The following CD226 variants were observed in gnomAD, a reference collection of about 807,000 sequenced individuals.
The protein encoded by CD226 is CD226 antigen.
Under a neutral mutation model 34.9 loss-of-function variants are expected in CD226, and 24 were observed. The ratio of observed to expected loss-of-function variants is 0.69; its 90% CI spans 0.50 to 0.97. The LOEUF (loss-of-function observed/expected upper bound fraction) is 0.97. Ranked by LOEUF, CD226 falls within the 50% of genes least tolerant of loss-of-function variation. The pLI, the probability that CD226 is intolerant of heterozygous loss-of-function variation, is 0.00. For synonymous variants in CD226, 148 were observed against 147.4 expected, an observed-to-expected ratio of 1.00 and a Z score of -0.03; for missense variants, 397 against 412.7, an observed-to-expected ratio of 0.96 and a Z score of 0.33.
intron 2 of CD226, among the ~76,000 whole-genome samples, chr18:69,928,702 C>T (rs1047901705): frequency 1.2e-4 from 19 of 152,146 alleles, no homozygotes; most frequent in African/African-American, 4.6e-4. Flanking sequence ...CTAAAATGCT[C>T]CAATGAGCAT....
chr18:69,862,953 T>A lies in CD226; in HGVS notation c.*1361A>T, dbSNP rs1982902871. ...TCACTATATTTAACAATAACCATTGTCCTTTCAAGGTAACCATGACAGTTT... is the reference window on the plus strand; with the variant it reads ...TCACTATATTTAACAATAACCATTGACCTTTCAAGGTAACCATGACAGTTT... On this transcript the variant is annotated 3_prime_UTR_variant, in exon 6 of 6. Transcript: ENST00000582621. 6.6e-6 allele frequency: 1 copy of A among 152,172 alleles called. No homozygotes were observed. The allele number at this position is 152,172 out of a possible 1,614,324, so 9.4% of individuals were successfully genotyped here. A position where few individuals can be genotyped will look rare whatever the true frequency, so the allele number is the denominator to read the frequency against.
intron 2 of CD226, among the ~76,000 whole-genome samples, chr18:69,928,122 C>A (rs2055545628): frequency 6.6e-6 from 1 of 152,212 alleles, no homozygotes; most frequent in Non-Finnish European, 1.5e-5. Context: ...CCATGTTTCA[C>A]ATATGATGAG....
chr18:69,946,909 CA>C lies in CD226; in HGVS notation c.206del (p.Met69ArgfsTer3). ...TCTCAGCATAGGGCTTCCTTATGAC[CA>C]TGCCATGAGTAGGGCTGAAAATGGC... The part of the protein sequence containing the change: ...SIAIFSPTHG[M>X]VIRKPYAERV... On this transcript the variant is annotated frameshift_variant, in exon 2 of 6. Coordinates refer to ENST00000582621, the MANE Select transcript of CD226 (RefSeq NM_001303618.2). LOFTEE classifies it high-confidence loss of function. 1 of 1,614,112 alleles carries C rather than the reference CA, an allele frequency of 6.2e-7. No individual in the cohort carries two copies. Among genetic ancestry groups the C allele is most frequent in the Non-Finnish European group, 8.5e-7 (1 of 1,180,018 alleles).
chr18:69,913,909 C>T (rs2055356032), intron 2 of CD226, among the ~76,000 whole-genome samples: 1 of 152,062 alleles, frequency 6.6e-6, no homozygotes, highest in South Asian at 2.1e-4. Context: ...ATGTTTCTTA[C>T]TAAAGTGTGA....
intron 2 of CD226, among the ~76,000 whole-genome samples, chr18:69,900,343 A>C (rs34607223): frequency 0.39 from 59,406 of 151,728 alleles, 13,736 homozygotes; most frequent in African/African-American, 0.66. Flanking sequence ...GAGCTTAATA[A>C]CTGGTGATGA....
In CD226 at chr18:69,868,501, A is replaced by C. The variant is rs527389672; in HGVS notation, c.831-1090T>G. 4.6e-5 allele frequency among the ~76,000 whole-genome samples: 7 copies of C among 151,954 alleles called. No homozygotes were observed. In the East Asian group the frequency reaches 1.2e-3, roughly 25 times the overall value. On this transcript the variant is annotated intron_variant, in intron 4 of 5. Transcript: ENST00000582621. ...ATCTTACCTTATTCTATGTGCATTTATTTTCTTATTTATTATTATTTTGAC... is the reference window on the plus strand; with the variant it reads ...ATCTTACCTTATTCTATGTGCATTTCTTTTCTTATTTATTATTATTTTGAC...
rs190717051 is a variant in CD226, at chr18:69,939,172, A to G, written c.382+7562T>C. Reference sequence around the variant, plus strand: ...CAAATGCAAAATAAAACACCTGTATAAGGAAAACACCCTGACTATGAGCCT... The same window carrying G: ...CAAATGCAAAATAAAACACCTGTATGAGGAAAACACCCTGACTATGAGCCT... On this transcript the variant is annotated intron_variant, in intron 2 of 5. Coordinates refer to ENST00000582621, the MANE Select transcript of CD226 (RefSeq NM_001303618.2). 7.9e-5 allele frequency among the ~76,000 whole-genome samples: 12 copies of G among 152,356 alleles called. No individual in the cohort carries two copies. In the East Asian group the frequency reaches 2.1e-3, roughly 27 times the overall value.
intron 2 of CD226, among the ~76,000 whole-genome samples, chr18:69,932,215 T>A (rs2055597744): frequency 6.6e-6 from 1 of 152,134 alleles, no homozygotes; most frequent in African/African-American, 2.4e-5. Context: ...ACTTCCAATC[T>A]CTCTTCTAAA....
upstream of CD226, among the ~76,000 whole-genome samples, chr18:69,951,260 G>A (rs891713625): frequency 1.3e-5 from 2 of 152,172 alleles, no homozygotes; most frequent in African/African-American, 4.8e-5. Flanking sequence ...GTACGGGCAT[G>A]ATCCACCATG....
chr18:69,955,085 T>C (rs1212606771), intron 1 of CD226, among the ~76,000 whole-genome samples: 3 of 152,086 alleles, frequency 2.0e-5, no homozygotes, highest in African/African-American at 7.2e-5. Context: ...TCTCACAAGC[T>C]TGCCTCTGAA....
intron 2 of CD226, among the ~76,000 whole-genome samples, chr18:69,896,416 T>C (rs967481612): frequency 1.1e-4 from 17 of 152,246 alleles, no homozygotes; most frequent in South Asian, 2.1e-4. Flanking sequence ...CTCCTGACCT[T>C]GTGATCCGCC....
chr18:69,896,009 A>G lies in CD226; in HGVS notation c.419T>C (p.Ile140Thr), dbSNP rs1224828083. Residue 140 changes from isoleucine to threonine, a missense_variant, in exon 3 of 6, where the codon ATT becomes ACT. Physicochemically the swap from Ile to Thr is moderately conservative, Grantham distance 89 (BLOSUM62 -1). Transcript: ENST00000582621. ...GACATTCTTTCCAGGTTCCGAAACA[A>G]TGTGGCTATTTGATGGCACAGCTGC... ...FEAAVPSNSH[I>T]VSEPGKNVTL... is the part of the protein sequence containing the mutation. 3 of 1,612,636 alleles carry G rather than the reference A, an allele frequency of 1.9e-6. No individual in the cohort carries two copies. In the South Asian group the frequency reaches 3.3e-5, roughly 18 times the overall value.
At chr18:69,884,425 T>C (rs187185209) in intron 3 of CD226, among the ~76,000 whole-genome samples, 185 of 152,308 alleles carry the variant, frequency 1.2e-3, no homozygotes, top group Admixed American at 2.8e-3. Flanking sequence ...TTCTCCTCCC[T>C]CCTTTCTTAG....
chr18:69,953,651 G>T (rs9965747), intron 1 of CD226, among the ~76,000 whole-genome samples: 4 of 152,120 alleles, frequency 2.6e-5, no homozygotes, highest in African/African-American at 9.7e-5. Context: ...TGATAAAAGC[G>T]GTCATCACAG....
chr18:69,864,790 A>C (rs1047188284), intron 5 of CD226, among the ~76,000 whole-genome samples: 3 of 152,234 alleles, frequency 2.0e-5, no homozygotes, highest in Admixed American at 6.5e-5. Context: ...TAAGCAACTT[A>C]ACATATAAAA....
intron 3 of CD226, among the ~76,000 whole-genome samples, chr18:69,893,090 A>G (rs1234392639): frequency 2.0e-5 from 3 of 152,202 alleles, no homozygotes; most frequent in African/African-American, 7.2e-5. Context: ...TCAATCTTTC[A>G]CTTATAAAAA....
At chr18:69,941,800 A>T (rs2055727992) in intron 2 of CD226, among the ~76,000 whole-genome samples, 2 of 152,112 alleles carry the variant, frequency 1.3e-5, no homozygotes, top group Admixed American at 6.5e-5. Flanking sequence ...TTGTATTTTG[A>T]AATGTGAGGG....
At position 69,854,225 on chromosome 18, in the gene CD226, A is replaced by G. The variant is rs1982551143; in HGVS notation, c.*10089T>C. On this transcript the variant is annotated 3_prime_UTR_variant, in exon 6 of 6. Transcript: ENST00000582621. ...ATTAGAGAACCAAGGTCCTGAGCAA[A>G]CTGCCACCCCAAAATCTGGAGATAC... 1 of 152,218 alleles carries G rather than the reference A, an allele frequency of 6.6e-6. No individual in the cohort carries two copies. Among genetic ancestry groups the G allele is most frequent in the African/African-American group, 2.4e-5 (1 of 41,434 alleles). The allele number at this position is 152,218 out of a possible 1,614,324, so 9.4% of individuals were successfully genotyped here. A position where few individuals can be genotyped will look rare whatever the true frequency, so the allele number is the denominator to read the frequency against.
chr18:69,950,785 G>T (rs897179140), upstream of CD226, among the ~76,000 whole-genome samples: 3 of 152,074 alleles, frequency 2.0e-5, no homozygotes, highest in Admixed American at 1.3e-4. Flanking sequence ...TTCTAAGAGC[G>T]ATTGGAGATT....
Sources: gnomAD v4.1 joint callset for allele counts (sites outside exome capture counted in the v4.1 genomes callset) on GRCh38, gnomAD v4.1.1 for gene constraint, MANE v1.5 for transcripts, NCBI Gene and HGNC (gene_info 2026-07-23, HGNC 2026-07-21) for gene names.